Variants in OSBPL11 observed in about 807,000 individuals in gnomAD.
OSBPL11 encodes oxysterol-binding protein-related protein 11.
A neutral mutation model predicts 84.4 loss-of-function variants in OSBPL11; 33 were observed. The observed-to-expected ratio is 0.39, with a 90% confidence interval of 0.30 to 0.52. The LOEUF is 0.52. Ranked by LOEUF, OSBPL11 falls within the 20% of genes least tolerant of loss-of-function variation. OSBPL11 has a pLI of 0.72. For synonymous variants in OSBPL11, 276 were observed against 310.2 expected, an observed-to-expected ratio of 0.89 and a Z score of 1.16; for missense variants, 736 against 901.1, an observed-to-expected ratio of 0.82 and a Z score of 2.35.
chr3:125,591,247 T>C (rs990304027), intron 1 of OSBPL11, among the ~76,000 whole-genome samples: 2 of 152,248 alleles, frequency 1.3e-5, no homozygotes, highest in African/African-American at 4.8e-5. Context: ...GAGTCTATTA[T>C]ATTAACTGCC....
Position 125,531,964 on chromosome 3 carries a change from T to G in OSBPL11, c.2075A>C (p.Lys692Thr). The stretch of plus-strand genomic sequence containing the variant: ...CAGGGTATGCTTATGCTCTGTGGCC[T>G]TATCAATTTCAGATTCTCTCAGCGA... ...TDSLRESEIDKATEHKHTLEE... is the reference protein window; with the variant it reads ...TDSLRESEIDTATEHKHTLEE... Residue 692 changes from lysine to threonine, a missense_variant, in exon 12 of 13, where the codon AAG becomes ACG. This residue lies in a region of OSBPL11 where 579 missense variants were observed against 717.6 expected (regional missense o/e 0.81). Transcript: ENST00000296220. The G allele has an allele frequency of 6.2e-7, 1 of 1,612,150 alleles. No individual in the cohort carries two copies. Among genetic ancestry groups the G allele is most frequent in the Non-Finnish European group, 8.5e-7 (1 of 1,179,484 alleles).
At chr3:125,586,478 T>A (rs1432608354) in intron 1 of OSBPL11, among the ~76,000 whole-genome samples, 1 of 152,156 alleles carries the variant, frequency 6.6e-6, no homozygotes, top group Non-Finnish European at 1.5e-5. Context: ...AATAACTGCT[T>A]CAATTCTTTA....
At position 125,538,482 on chromosome 3, in the gene OSBPL11, G is replaced by A; in HGVS notation, c.1993C>T (p.Pro665Ser). ...KLAVTKKRVR[P>S]LEKQDPFESR... The stretch of plus-strand genomic sequence containing the variant: ...TCAAATGGATCCTGCTTCTCCAGAG[G>A]TCTCACTCTTTTCTTCGTCACTGCC... The change falls in exon 11 of 13, where the codon CCT becomes TCT. Residue 665 changes from proline to serine, a missense_variant. Pro to Ser is a moderately conservative substitution (Grantham distance 74, BLOSUM62 -1). This residue lies in a region of OSBPL11 where 579 missense variants were observed against 717.6 expected (regional missense o/e 0.81). Coordinates refer to ENST00000296220, the MANE Select transcript of OSBPL11 (RefSeq NM_022776.5). 1.9e-6 allele frequency: 3 copies of A among 1,613,940 alleles called. No homozygotes were observed. Among genetic ancestry groups the A allele is most frequent in the Non-Finnish European group, 2.5e-6 (3 of 1,179,918 alleles).
intron 9 of OSBPL11, among the ~76,000 whole-genome samples, chr3:125,549,954 A>G (rs962541590): frequency 6.6e-6 from 1 of 152,198 alleles, no homozygotes; most frequent in South Asian, 2.1e-4. Context: ...GACATGTCTC[A>G]TCATCTCTAG....
intron 5 of OSBPL11, among the ~76,000 whole-genome samples, chr3:125,571,572 A>C (rs1179523553): frequency 6.6e-6 from 1 of 152,130 alleles, no homozygotes; most frequent in African/African-American, 2.4e-5. Flanking sequence ...TGCTGTGTGC[A>C]GCTTAGAGAC....
At chr3:125,576,076 T>C in intron 5 of OSBPL11, 113 bp downstream of exon 5, 2 of 902,710 alleles carry the variant, frequency 2.2e-6, no homozygotes, top group Non-Finnish European at 3.4e-6. Context: ...GCATACTAGA[T>C]AGGAAACAAT....
At chr3:125,578,404 T>G (rs1198023883) in intron 4 of OSBPL11, among the ~76,000 whole-genome samples, 3 of 152,108 alleles carry the variant, frequency 2.0e-5, no homozygotes, top group Non-Finnish European at 4.4e-5. Context: ...TGGCTCCGGA[T>G]TTTTTATTTT....
chr3:125,567,327 C>T (rs1936172668), intron 6 of OSBPL11, 67 bp downstream of exon 6: 1 of 1,345,392 alleles, frequency 7.4e-7, no homozygotes, highest in African/African-American at 1.5e-5. Flanking sequence ...ATTAGAATTA[C>T]AACAAATACA....
chr3:125,547,363 A>C, intron 10 of OSBPL11, 43 bp downstream of exon 10: 2 of 1,534,110 alleles, frequency 1.3e-6, no homozygotes, highest in Non-Finnish European at 1.8e-6. Context: ...TACAAAATCA[A>C]AGTGGAAGAA....
intron 11 of OSBPL11, among the ~76,000 whole-genome samples, chr3:125,535,066 G>A (rs977095650): frequency 2.0e-5 from 3 of 150,088 alleles, no homozygotes; most frequent in Admixed American, 2.0e-4. Flanking sequence ...GATTAAATCA[G>A]TGAAGCCAAA....
chr3:125,538,282 A>C (rs1371225014), intron 11 of OSBPL11, among the ~76,000 whole-genome samples, 169 bp downstream of exon 11: 4 of 152,238 alleles, frequency 2.6e-5, no homozygotes. Flanking sequence ...TATATCAAAG[A>C]ATCTCACAGC....
intron 5 of OSBPL11, among the ~76,000 whole-genome samples, 192 bp from the exon 6 acceptor site, chr3:125,567,787 G>T (rs894242795): frequency 6.6e-6 from 1 of 152,040 alleles, no homozygotes; most frequent in African/African-American, 2.4e-5. Context: ...GAGCCCAGGA[G>T]TTCAAGACCA....
chr3:125,582,204 G>A (rs892642926), intron 2 of OSBPL11, among the ~76,000 whole-genome samples: 4 of 151,820 alleles, frequency 2.6e-5, no homozygotes, highest in South Asian at 4.1e-4. Flanking sequence ...GTATGGTGGC[G>A]CATGCCTGTA....
intron 5 of OSBPL11, among the ~76,000 whole-genome samples, chr3:125,569,014 C>A (rs950625209): frequency 6.6e-6 from 1 of 151,972 alleles, no homozygotes; most frequent in Non-Finnish European, 1.5e-5. Context: ...GTGGTGCAAT[C>A]ACGGCTCACT....
At chr3:125,593,547 G>A (rs928127895) in intron 1 of OSBPL11, among the ~76,000 whole-genome samples, 2 of 151,630 alleles carry the variant, frequency 1.3e-5, no homozygotes, top group Non-Finnish European at 2.9e-5. Flanking sequence ...TTGAACCCAG[G>A]AGGTGGAGGT....
chr3:125,569,459 A>C (rs1231091982), intron 5 of OSBPL11, among the ~76,000 whole-genome samples: 1 of 152,240 alleles, frequency 6.6e-6, no homozygotes, highest in Non-Finnish European at 1.5e-5. Flanking sequence ...ACACATTTAT[A>C]CATGCATATA....
At chr3:125,553,791 A>G (rs1179667510) in intron 8 of OSBPL11, among the ~76,000 whole-genome samples, 1 of 152,240 alleles carries the variant, frequency 6.6e-6, no homozygotes, top group Non-Finnish European at 1.5e-5. Flanking sequence ...CAAATAATAC[A>G]AAAGACAGTG....
At chr3:125,544,792 A>C (rs529084073) in intron 10 of OSBPL11, among the ~76,000 whole-genome samples, 72 of 152,320 alleles carry the variant, frequency 4.7e-4, no homozygotes, top group African/African-American at 1.7e-3. Context: ...AAGAAAAAAA[A>C]GGTTTCTTGA....
intron 9 of OSBPL11, 92 bp from the exon 10 acceptor site, chr3:125,547,684 A>ATGAT: frequency 4.0e-6 from 4 of 994,966 alleles, no homozygotes; most frequent in Non-Finnish European, 5.8e-6. Flanking sequence ...CTAGTAAATA[A>ATGAT]GCATCATTAT....
Sources: gnomAD v4.1 joint callset for allele counts (sites outside exome capture counted in the v4.1 genomes callset) on GRCh38, gnomAD v4.1.1 for gene constraint, gnomAD v4.1.1 regional missense constraint, MANE v1.5 for transcripts, NCBI Gene and HGNC (gene_info 2026-07-23, HGNC 2026-07-21) for gene names.